The following ABCA1 variants were observed in gnomAD, a reference collection of about 807,000 sequenced individuals.
ABCA1 encodes the protein ATP binding cassette subfamily A member 1, also known as phospholipid-transporting ATPase ABCA1.
Under a neutral mutation model 262.5 loss-of-function variants are expected in ABCA1, and 133 were observed. The ratio of observed to expected loss-of-function variants is 0.51; its 90% CI spans 0.44 to 0.59. ABCA1 has a LOEUF of 0.59. Among genes scored for constraint, ABCA1 ranks in the 20% least tolerant of loss-of-function variants. The probability of loss-of-function intolerance (pLI) is 0.00; values close to 1 mark genes in which losing one functional copy is unlikely to be tolerated. For synonymous variants in ABCA1, 1,022 were observed against 1,043.5 expected (o/e 0.98, Z 0.40); for missense variants, 2,452 against 2,777.5 (o/e 0.88, Z 2.63).
At chr9:104,922,527 G>T (rs1301874658) in intron 1 of ABCA1, among the ~76,000 whole-genome samples, 1 of 152,058 alleles carries the variant, frequency 6.6e-6, no homozygotes, top group Non-Finnish European at 1.5e-5. Context: ...GACAATAAAA[G>T]CACCTATTTC....
intron 5 of ABCA1, among the ~76,000 whole-genome samples, chr9:104,867,011 A>G (rs1284313286): frequency 6.6e-6 from 1 of 152,266 alleles, no homozygotes; most frequent in Non-Finnish European, 1.5e-5. Flanking sequence ...GAATGAATAC[A>G]AATGAGTGAA....
chr9:104,798,774 C>G (rs1455701563), intron 36 of ABCA1, among the ~76,000 whole-genome samples, 176 bp from the exon 37 acceptor site: 1 of 152,110 alleles, frequency 6.6e-6, no homozygotes, highest in Non-Finnish European at 1.5e-5. Flanking sequence ...TTAAGATGAT[C>G]ATTTTTAAGT....
chr9:104,876,767 G>A (rs1838201022), intron 5 of ABCA1, among the ~76,000 whole-genome samples: 1 of 152,194 alleles, frequency 6.6e-6, no homozygotes, highest in South Asian at 2.1e-4. Context: ...AGATTCACCA[G>A]AGAGGGGGCA....
intron 1 of ABCA1, among the ~76,000 whole-genome samples, chr9:104,905,212 G>A (rs1055113047): frequency 1.3e-5 from 2 of 152,182 alleles, no homozygotes; most frequent in African/African-American, 4.8e-5. Context: ...GGAACAAGGA[G>A]CAGAAGGAAC....
chr9:104,877,339 A>G (rs1423120802), intron 5 of ABCA1, among the ~76,000 whole-genome samples: 1 of 152,236 alleles, frequency 6.6e-6, no homozygotes, highest in Non-Finnish European at 1.5e-5. Flanking sequence ...AGATTCACTA[A>G]TGGCTCACCA....
Position 104,883,945 on chromosome 9 carries a change from CA to C in ABCA1, c.302+481del, listed in dbSNP as rs553114637. 3.0e-3 allele frequency among the ~76,000 whole-genome samples: 464 copies of C among 152,344 alleles called. 3 individuals carry two copies. Among genetic ancestry groups the C allele is most frequent in the African/African-American group, 0.011 (452 of 41,566 alleles). On this transcript the variant is annotated intron_variant, in intron 4 of 49. Transcript: ENST00000374736. ...CTGCTTTGCTCAGGGAGCTCACACTCAGGGGAGAAAGACCTGCAGACATTGT... is the reference window on the plus strand; with the variant it reads ...CTGCTTTGCTCAGGGAGCTCACACTCGGGGAGAAAGACCTGCAGACATTGT...
chr9:104,903,546 C>T, intron 2 of ABCA1, 68 bp downstream of exon 2: 1 of 1,486,584 alleles, frequency 6.7e-7, no homozygotes, highest in Non-Finnish European at 9.2e-7. Flanking sequence ...CTCCCTCCTC[C>T]AATCCCCAAC....
chr9:104,822,375 ACTC>A, intron 19 of ABCA1, 118 bp downstream of exon 19: 1 of 1,310,208 alleles, frequency 7.6e-7, no homozygotes, highest in Non-Finnish European at 1.1e-6. Flanking sequence ...ACATTCGGCA[ACTC>A]CTCATGTGCT....
In ABCA1 at chr9:104,833,032, T is replaced by C. The variant is rs554676477; in HGVS notation, c.1312-261A>G. On this transcript the variant is annotated intron_variant, in intron 11 of 49. Coordinates refer to ENST00000374736, the MANE Select transcript of ABCA1 (RefSeq NM_005502.4). Reference sequence around the variant, plus strand: ...CAGACCAGTCTGAATTCAGAGTCCATGTGCTTTCCACTATACGAAACATCT... The same window carrying C: ...CAGACCAGTCTGAATTCAGAGTCCACGTGCTTTCCACTATACGAAACATCT... 3.9e-5 allele frequency among the ~76,000 whole-genome samples: 6 copies of C among 152,340 alleles called. No homozygotes were observed. In the East Asian group the frequency reaches 1.2e-3, roughly 29 times the overall value.
chr9:104,806,223 C>T lies in ABCA1; in HGVS notation c.4464+18G>A. 2 of 1,611,856 alleles carry T rather than the reference C, an allele frequency of 1.2e-6. No homozygotes were observed. The highest frequency in any genetic ancestry group is 1.7e-6 in the Non-Finnish European group (2 of 1,179,598). The stretch of plus-strand genomic sequence containing the variant: ...TCCTGCACCCCTTCTGCCCAATCAC[C>T]CCCTGAAAGTGACTCACTTGTGGAG... On this transcript the variant is annotated intron_variant, in intron 31 of 49. Transcript: ENST00000374736.
intron 36 of ABCA1, among the ~76,000 whole-genome samples, chr9:104,799,197 T>G (rs1401937877): frequency 6.6e-6 from 1 of 152,166 alleles, no homozygotes; most frequent in Non-Finnish European, 1.5e-5. Flanking sequence ...AAACAGGAAC[T>G]GCCATGCTCC....
intron 11 of ABCA1, among the ~76,000 whole-genome samples, chr9:104,835,520 C>T (rs1483304837): frequency 6.6e-6 from 1 of 152,184 alleles, no homozygotes; most frequent in Non-Finnish European, 1.5e-5. Flanking sequence ...GCCTTGGCCA[C>T]TTGGAGAGCC....
chr9:104,803,985 A>T (rs1564100938), intron 32 of ABCA1, among the ~76,000 whole-genome samples: 1 of 152,170 alleles, frequency 6.6e-6, no homozygotes, highest in Non-Finnish European at 1.5e-5. Flanking sequence ...TTAGAAACTC[A>T]TGGTCACTAT....
At chr9:104,792,649 A>C in intron 42 of ABCA1, 137 bp downstream of exon 42, 1 of 1,088,924 alleles carries the variant, frequency 9.2e-7, no homozygotes, top group South Asian at 1.4e-5. Context: ...TTTAAAATAA[A>C]ATTGACAGAA....
Position 104,861,961 on chromosome 9 carries a change from A to G in ABCA1, c.422-161T>C, listed in dbSNP as rs2249891. Among the ~76,000 whole-genome samples the G allele has an allele frequency of 0.27, 41,677 of 151,704 alleles. 9,074 individuals carry two copies. The highest frequency in any genetic ancestry group is 0.6 in the African/African-American group (24,689 of 41,228). ...TGAGATAGGGGAGCATCGCCATATCAGGAGAGGCATGAAAATATTGCTTTC... is the reference window on the plus strand; with the variant it reads ...TGAGATAGGGGAGCATCGCCATATCGGGAGAGGCATGAAAATATTGCTTTC... On this transcript the variant is annotated intron_variant, in intron 5 of 49. Transcript: ENST00000374736.
In ABCA1 at chr9:104,831,823, A is replaced by G; in HGVS notation, c.1514T>C (p.Val505Ala). The G allele has an allele frequency of 6.2e-7, 1 of 1,614,160 alleles. No homozygotes were observed. The highest frequency in any genetic ancestry group is 8.5e-7 in the Non-Finnish European group (1 of 1,180,026). The change falls in exon 13 of 50, where the codon GTC (valine) becomes GCC (alanine). Residue 505 changes from valine (V) to alanine (A), a missense_variant. Val to Ala is a moderately conservative substitution (Grantham distance 64). Around this residue, in one of 4 missense-constraint regions of ABCA1, gnomAD observed 1,032 missense variants for 1,089.7 expected, o/e 0.95. Coordinates refer to ENST00000374736, the MANE Select transcript of ABCA1 (RefSeq NM_005502.4). The part of the protein sequence containing the change: ...IRTISRFMEC[V>A]NLNKLEPIAT... ...TATGGGTTCTAGCTTGTTCAGGTTG[A>G]CACACTGATAGAAGAACAGCCTTCA...
chr9:104,786,181 T>C lies in ABCA1; in HGVS notation c.6401+117A>G, dbSNP rs2066882. ...TTCAAAGCCCTCATTCTTTCCACTA[T>C]ACTGTTTTGCTCAGTTTTATTTCCC... On this transcript the variant is annotated intron_variant, in intron 48 of 49. Coordinates refer to ENST00000374736, the MANE Select transcript of ABCA1 (RefSeq NM_005502.4). 0.1 allele frequency: 89,241 copies of C among 866,942 alleles called. 7,061 individuals carry two copies. Among genetic ancestry groups the C allele is most frequent in the East Asian group, 0.37 (14,580 of 39,306 alleles). 53.7% of individuals were successfully genotyped at this position (866,942 alleles called of 1,614,324 possible). A position where few individuals can be genotyped will look rare whatever the true frequency, so the allele number is the denominator to read the frequency against.
intron 29 of ABCA1, 76 bp downstream of exon 29, chr9:104,810,724 C>T (rs1467713424): frequency 1.2e-6 from 2 of 1,608,740 alleles, no homozygotes; most frequent in African/African-American, 1.3e-5. Flanking sequence ...TTCTGAAGTC[C>T]ATTCCCTTGG....
At chr9:104,796,452 T>A (rs1338742120) in intron 37 of ABCA1, 28 bp from the exon 38 acceptor site, 1 of 1,566,990 alleles carries the variant, frequency 6.4e-7, no homozygotes, top group Non-Finnish European at 8.8e-7. Flanking sequence ...GACATCCAGT[T>A]CACCCCTAAA....
Sources: allele counts gnomAD v4.1 joint callset (sites outside exome capture counted in the v4.1 genomes callset), GRCh38; gene constraint gnomAD v4.1.1; regional missense constraint gnomAD v4.1.1; transcripts MANE v1.5; gene names NCBI Gene and HGNC (gene_info 2026-07-23, HGNC 2026-07-21).